Variants in ZMAT4 observed in about 807,000 individuals in gnomAD.
ZMAT4 encodes the protein zinc finger matrin-type 4.
Under a neutral mutation model 28.7 loss-of-function variants are expected in ZMAT4, and 17 were observed. The observed-to-expected ratio is 0.59, with a 90% CI of 0.41 to 0.89. The LOEUF is 0.89. Ranked by LOEUF, ZMAT4 falls within the 40% of genes least tolerant of loss-of-function variation. ZMAT4 has a pLI of 0.00. For missense variants in ZMAT4, 240 were observed against 283.8 expected (o/e 0.85, Z 1.11); for synonymous variants, 117 against 109.2 (o/e 1.07, Z -0.44).
At chr8:40,895,933 G>A (rs957752854) in intron 1 of ZMAT4, among the ~76,000 whole-genome samples, 4 of 152,154 alleles carry the variant, frequency 2.6e-5, no homozygotes, top group Non-Finnish European at 4.4e-5. Context: ...CATGCCCACC[G>A]GCTGGGAAAA....
chr8:40,616,898 AAG>A (rs1806028556), intron 5 of ZMAT4, among the ~76,000 whole-genome samples: 1 of 151,950 alleles, frequency 6.6e-6, no homozygotes, highest in African/African-American at 2.4e-5. Context: ...AAAAAAAAAA[AAG>A]CTTGTTAGAG....
intron 5 of ZMAT4, among the ~76,000 whole-genome samples, chr8:40,635,804 G>A (rs1806769563): frequency 6.6e-6 from 1 of 152,046 alleles, no homozygotes; most frequent in Non-Finnish European, 1.5e-5. Context: ...GCTATTGTAG[G>A]GTAAATGACT....
At chr8:40,853,426 G>A (rs1817185022) in intron 1 of ZMAT4, among the ~76,000 whole-genome samples, 1 of 152,050 alleles carries the variant, frequency 6.6e-6, no homozygotes, top group Non-Finnish European at 1.5e-5. Flanking sequence ...TGTGGTGGCA[G>A]GCACCTGTAA....
intron 5 of ZMAT4, among the ~76,000 whole-genome samples, chr8:40,616,399 G>A (rs1806006964): frequency 6.6e-6 from 1 of 152,118 alleles, no homozygotes; most frequent in African/African-American, 2.4e-5. Flanking sequence ...TATACGCAAA[G>A]GATTATAAAT....
intron 3 of ZMAT4, among the ~76,000 whole-genome samples, chr8:40,743,910 G>T (rs991330852): frequency 8.5e-5 from 13 of 152,180 alleles, no homozygotes; most frequent in African/African-American, 3.1e-4. Flanking sequence ...GAGCAGATCC[G>T]TGAGTGAGGA....
At chr8:40,631,347 G>A (rs1347650422) in intron 5 of ZMAT4, among the ~76,000 whole-genome samples, 4 of 152,076 alleles carry the variant, frequency 2.6e-5, no homozygotes, top group Non-Finnish European at 4.4e-5. Flanking sequence ...TAGTAGAGAT[G>A]GAATTTCACC....
At chr8:40,823,373 A>T (rs566357588) in intron 2 of ZMAT4, among the ~76,000 whole-genome samples, 1 of 152,280 alleles carries the variant, frequency 6.6e-6, no homozygotes, top group South Asian at 2.1e-4. Context: ...TAATAAAAAA[A>T]TCTGGCCGGA....
chr8:40,875,773 T>TG (rs1818022154), intron 1 of ZMAT4, among the ~76,000 whole-genome samples: 1 of 152,112 alleles, frequency 6.6e-6, no homozygotes, highest in Admixed American at 6.5e-5. Context: ...AGTAAGACGA[T>TG]GGAGGAGGTC....
intron 6 of ZMAT4, among the ~76,000 whole-genome samples, chr8:40,555,782 G>A (rs1471676880): frequency 6.6e-6 from 1 of 151,950 alleles, no homozygotes; most frequent in African/African-American, 2.4e-5. Flanking sequence ...AATAGACTAT[G>A]GTCTCTTCTA....
chr8:40,845,149 A>G (rs1816839482), intron 1 of ZMAT4, among the ~76,000 whole-genome samples: 1 of 152,172 alleles, frequency 6.6e-6, no homozygotes, highest in African/African-American at 2.4e-5. Flanking sequence ...TACAGCTCTT[A>G]CAACTTCACC....
intron 3 of ZMAT4, among the ~76,000 whole-genome samples, chr8:40,765,845 C>T (rs1452402969): frequency 6.6e-6 from 1 of 152,184 alleles, no homozygotes; most frequent in Non-Finnish European, 1.5e-5. Flanking sequence ...GCATAAGACA[C>T]TAAATGGCTA....
intron 1 of ZMAT4, among the ~76,000 whole-genome samples, chr8:40,838,401 G>A (rs552961292): frequency 4.6e-5 from 7 of 152,130 alleles, no homozygotes; most frequent in Admixed American, 1.3e-4. Flanking sequence ...GGAGTGCAGT[G>A]GCATGATCAT....
intron 5 of ZMAT4, among the ~76,000 whole-genome samples, chr8:40,651,854 G>C (rs1291558124): frequency 8.5e-6 from 1 of 116,992 alleles, no homozygotes. Context: ...TTTAATAAAT[G>C]GTGCTGGGAA....
intron 2 of ZMAT4, among the ~76,000 whole-genome samples, chr8:40,819,828 T>G (rs1357760232): frequency 6.6e-6 from 1 of 152,040 alleles, no homozygotes; most frequent in African/African-American, 2.4e-5. Flanking sequence ...GTTTATGAAT[T>G]CCTTTATTAA....
chr8:40,713,766 T>G (rs891302993), intron 3 of ZMAT4, among the ~76,000 whole-genome samples: 8 of 151,092 alleles, frequency 5.3e-5, no homozygotes, highest in African/African-American at 1.9e-4. Context: ...AAAATTAGCC[T>G]GGTGTGGTGG....
intron 2 of ZMAT4, among the ~76,000 whole-genome samples, chr8:40,811,917 G>T (rs944739086): frequency 6.6e-6 from 1 of 152,102 alleles, no homozygotes; most frequent in African/African-American, 2.4e-5. Flanking sequence ...GATCACCTGA[G>T]GTCAGGAGTT....
intron 1 of ZMAT4, among the ~76,000 whole-genome samples, chr8:40,889,838 T>C (rs1342176350): frequency 6.6e-6 from 1 of 152,206 alleles, no homozygotes; most frequent in Non-Finnish European, 1.5e-5. Flanking sequence ...TTTGCACATC[T>C]CTAACTATTT....
intron 1 of ZMAT4, among the ~76,000 whole-genome samples, chr8:40,873,256 C>G (rs1014982900): frequency 4.9e-4 from 75 of 152,266 alleles, no homozygotes; most frequent in Admixed American, 4.6e-4. Context: ...AATGTTGCTT[C>G]CTATTTGTTT....
intron 5 of ZMAT4, among the ~76,000 whole-genome samples, chr8:40,629,087 C>T (rs1430547214): frequency 6.7e-6 from 1 of 150,278 alleles, no homozygotes; most frequent in Non-Finnish European, 1.5e-5. Flanking sequence ...TAATAGTTTA[C>T]TTAATGTTAT....
Sources: gnomAD v4.1 joint callset for allele counts (sites outside exome capture counted in the v4.1 genomes callset) on GRCh38, gnomAD v4.1.1 for gene constraint, MANE v1.5 for transcripts, NCBI Gene and HGNC (gene_info 2026-07-23, HGNC 2026-07-21) for gene names.